MAPK10: variants seen among roughly 807,000 people sequenced by gnomAD.
MAPK10 encodes JNK3 alpha protein kinase.
Under a neutral mutation model 59.3 loss-of-function variants are expected in MAPK10, and 25 were observed. The ratio of observed to expected loss-of-function variants is 0.42; its 90% confidence interval spans 0.31 to 0.59. MAPK10 has a LOEUF of 0.59. MAPK10 is among the 20% of genes least tolerant of loss of function. The pLI is 0.15. For synonymous variants in MAPK10, 190 were observed against 200.5 expected, an observed-to-expected ratio of 0.95 and a Z score of 0.44; for missense variants, 351 against 568.9, an observed-to-expected ratio of 0.62 and a Z score of 3.90.
intron 4 of MAPK10, among the ~76,000 whole-genome samples, chr4:86,150,722 C>T (rs1335473509): frequency 6.6e-6 from 1 of 152,096 alleles, no homozygotes; most frequent in Non-Finnish European, 1.5e-5. Context: ...ATTAGCAGGG[C>T]GTGGCAGTGG....
chr4:86,549,570 G>A (rs1315308832), intron 1 of MAPK10, among the ~76,000 whole-genome samples: 1 of 152,240 alleles, frequency 6.6e-6, no homozygotes, highest in Non-Finnish European at 1.5e-5. Context: ...GAGTCAGTGA[G>A]TGAGTGGTGA....
Position 86,459,244 on chromosome 4 carries a change from T to C in MAPK10, c.-262-104600A>G, listed in dbSNP as rs1347818499. Among the ~76,000 whole-genome samples, 3 of 152,132 alleles carry C rather than the reference T, an allele frequency of 2.0e-5. No individual in the cohort carries two copies. In the East Asian group the frequency reaches 5.8e-4, roughly 29 times the overall value. ...CTTACTCTTGCAAGAATGGCTATAA[T>C]CAAAAAATAATAGATGCTGGCGTGG... On this transcript the variant is annotated intron_variant, in intron 1 of 4. Transcript: ENST00000502302.
chr4:86,257,113 T>C (rs1417975877), intron 2 of MAPK10, among the ~76,000 whole-genome samples: 2 of 152,158 alleles, frequency 1.3e-5, no homozygotes, highest in Non-Finnish European at 2.9e-5. Context: ...TTGTGTCATC[T>C]TAAAGAAGAA....
chr4:86,104,315 T>C (rs1203094184), intron 5 of MAPK10, among the ~76,000 whole-genome samples: 1 of 152,148 alleles, frequency 6.6e-6, no homozygotes, highest in Non-Finnish European at 1.5e-5. Flanking sequence ...GGCAATGTTG[T>C]AATATAGTTT....
At chr4:86,345,845 T>G (rs1170872093) in intron 2 of MAPK10, among the ~76,000 whole-genome samples, 1 of 152,244 alleles carries the variant, frequency 6.6e-6, no homozygotes, top group Non-Finnish European at 1.5e-5. Flanking sequence ...TATTCAAATG[T>G]GGTTTTAGTA....
At chr4:86,399,006 G>A (rs755711422) in intron 1 of MAPK10, among the ~76,000 whole-genome samples, 13 of 152,074 alleles carry the variant, frequency 8.5e-5, no homozygotes, top group African/African-American at 2.7e-4. Context: ...CCAGTCCACC[G>A]ATGCTGGGCA....
chr4:86,516,659 TGTTTG>T lies in MAPK10; in HGVS notation c.-263+77246_-263+77250del, dbSNP rs1323434352. 4.6e-4 allele frequency among the ~76,000 whole-genome samples: 70 copies of T among 151,792 alleles called. 1 individual carries two copies. Among genetic ancestry groups the T allele is most frequent in the African/African-American group, 1.6e-3 (67 of 41,380 alleles). ...TGTTGTTGTTTGTTTGTTTTTTGTTTGTTTGTTTGTTTGCAGCTACTGTAAAAGGG... is the reference window on the plus strand; with the variant it reads ...TGTTGTTGTTTGTTTGTTTTTTGTTTTTTGTTTGCAGCTACTGTAAAAGGG... On this transcript the variant is annotated intron_variant, in intron 1 of 4. Coordinates refer to the MAPK10 transcript ENST00000502302.
intron 3 of MAPK10, among the ~76,000 whole-genome samples, chr4:86,178,222 T>C (rs1017641720): frequency 1.3e-5 from 2 of 152,038 alleles, no homozygotes; most frequent in African/African-American, 2.4e-5. Context: ...AGTTTTTTTG[T>C]TCTCAGTTAA....
intron 1 of MAPK10, among the ~76,000 whole-genome samples, chr4:86,539,063 T>C (rs955531109): frequency 6.6e-6 from 1 of 152,084 alleles, no homozygotes; most frequent in Non-Finnish European, 1.5e-5. Flanking sequence ...AGTTATGAGG[T>C]GGGCTTGCAA....
rs150763428 is a variant in MAPK10 at position 86,413,775 on chromosome 4, G to T, written c.-122+39255C>A. Among the ~76,000 whole-genome samples, 879 of 152,334 alleles carry T rather than the reference G, an allele frequency of 5.8e-3. 6 individuals are homozygous for T. The highest frequency in any genetic ancestry group is 0.01 in the Middle Eastern group (3 of 294). On this transcript the variant is annotated intron_variant, in intron 1 of 13. Coordinates refer to the MAPK10 transcript ENST00000361569. Reference sequence around the variant, plus strand: ...GCCAGTCACTAAGACTGTGGGAAAAGCACAGTATTTGGTCAGGAGTGTACC... The same window carrying T: ...GCCAGTCACTAAGACTGTGGGAAAATCACAGTATTTGGTCAGGAGTGTACC...
rs541374015 is a variant in MAPK10, at chr4:86,397,668, A to C, written c.-121-43024T>G. ...TCCACCTACCATTTCCTCCCTGGGCAATACCCTTGTTCTTGCACCTATCAT... is the reference window on the plus strand; with the variant it reads ...TCCACCTACCATTTCCTCCCTGGGCCATACCCTTGTTCTTGCACCTATCAT... On this transcript the variant is annotated intron_variant, in intron 1 of 13. Coordinates refer to the MAPK10 transcript ENST00000361569. 2.0e-5 allele frequency among the ~76,000 whole-genome samples: 3 copies of C among 152,138 alleles called. No homozygotes were observed. The South Asian group carries it at 6.2e-4, about 32-fold the overall frequency.
At position 86,212,900 on chromosome 4, in the gene MAPK10, AC is replaced by A. The variant is rs577793126; in HGVS notation, c.-6-18494del. Among the ~76,000 whole-genome samples the A allele has an allele frequency of 4.9e-4, 75 of 152,288 alleles. 1 individual carries two copies. The South Asian group carries it at 0.015, about 31-fold the overall frequency. ...AATGAACAATAGCTAATAGACGTAT[AC>A]AGAACCGTCTTCCTCAAAACAATAT... On this transcript the variant is annotated intron_variant, in intron 2 of 13. Transcript: ENST00000641462.
intron 9 of MAPK10, among the ~76,000 whole-genome samples, chr4:86,070,183 T>C (rs149602183): frequency 2.7e-4 from 41 of 152,288 alleles, no homozygotes; most frequent in Non-Finnish European, 5.0e-4. Flanking sequence ...ACAGTGATCT[T>C]TAAAAGTCTG....
chr4:86,298,977 T>G (rs1201708629), intron 2 of MAPK10, among the ~76,000 whole-genome samples: 1 of 152,200 alleles, frequency 6.6e-6, no homozygotes, highest in Non-Finnish European at 1.5e-5. Context: ...TAGTTGGTGC[T>G]AATGTAACCT....
chr4:86,194,503 T>C (rs2080813592), intron 2 of MAPK10, 96 bp from the exon 3 acceptor site: 1 of 751,388 alleles, frequency 1.3e-6, no homozygotes, highest in African/African-American at 1.7e-5. Context: ...ATATGCAAAG[T>C]ACCATGCACA....
At chr4:86,056,178 G>A in intron 11 of MAPK10, among the ~76,000 whole-genome samples, 1 of 149,958 alleles carries the variant, frequency 6.7e-6, no homozygotes, top group Non-Finnish European at 1.5e-5. Context: ...CTTAAATCAT[G>A]TCTTCCAGAT....
At chr4:86,515,782 C>T (rs546707782) in intron 1 of MAPK10, among the ~76,000 whole-genome samples, 62 of 151,958 alleles carry the variant, frequency 4.1e-4, no homozygotes, top group African/African-American at 1.2e-3. Flanking sequence ...TCCTACTCTG[C>T]GGGTTGTCTG....
intron 1 of MAPK10, among the ~76,000 whole-genome samples, chr4:86,373,394 C>A (rs1022954425): frequency 6.6e-6 from 1 of 152,094 alleles, no homozygotes; most frequent in Non-Finnish European, 1.5e-5. Flanking sequence ...GCAACAAAAA[C>A]CAAAACTGAC....
chr4:86,366,446 A>C (rs1186999628), intron 1 of MAPK10, among the ~76,000 whole-genome samples: 1 of 152,164 alleles, frequency 6.6e-6, no homozygotes, highest in Non-Finnish European at 1.5e-5. Flanking sequence ...CCTCTTGGGA[A>C]AGAGGAAAAT....
Sources: gnomAD v4.1 joint callset for allele counts (sites outside exome capture counted in the v4.1 genomes callset) on GRCh38, gnomAD v4.1.1 for gene constraint, MANE v1.5 for transcripts, NCBI Gene and HGNC (gene_info 2026-07-23, HGNC 2026-07-21) for gene names.